Variants in GIPC3 observed in about 807,000 individuals in gnomAD.
The protein encoded by GIPC3 is PDZ domain-containing protein GIPC3.
In GIPC3, 16 loss-of-function variants were observed where a neutral mutation model predicts 27.3. The observed-to-expected ratio is 0.59, with a 90% confidence interval of 0.40 to 0.89. The LOEUF is 0.89. Ranked by LOEUF, GIPC3 falls within the 40% of genes least tolerant of loss-of-function variation. The pLI, the probability that GIPC3 is intolerant of heterozygous loss-of-function variation, is 0.00. For synonymous variants in GIPC3, 194 were observed against 184.6 expected (o/e 1.05, Z -0.41); for missense variants, 440 against 442.1 (o/e 1.00, Z 0.04).
intron 3 of GIPC3, among the ~76,000 whole-genome samples, chr19:3,587,457 T>C (rs2032393989): frequency 6.6e-6 from 1 of 151,170 alleles, no homozygotes; most frequent in Non-Finnish European, 1.5e-5. Context: ...AATTTTTGTA[T>C]TTTTAGTAGA....
intron 3 of GIPC3, among the ~76,000 whole-genome samples, chr19:3,588,933 G>T (rs1247467623): frequency 7.2e-6 from 1 of 138,494 alleles, no homozygotes; most frequent in African/African-American, 2.8e-5. Context: ...GACAGAGCAA[G>T]ACAACATCTC....
In GIPC3 at chr19:3,585,708, C is replaced by G; in HGVS notation, c.111C>G (p.Leu37=). 6.8e-7 allele frequency: 1 copy of G among 1,461,230 alleles called. No homozygotes were observed. Among genetic ancestry groups the G allele is most frequent in the Non-Finnish European group, 9.1e-7 (1 of 1,100,180 alleles). The allele number at this position is 1,461,230 out of a possible 1,614,324, so 90.5% of individuals were successfully genotyped here. Residue 37 remains leucine (L), a synonymous_variant, in exon 1 of 6, where the codon CTC becomes CTG. Transcript: ENST00000644452. ...PPAAPRARPR[L]VFRTQLAHGS... Reference sequence around the variant, plus strand: ...CCGCGCCCCGCGCCCGCCCGCGCCTCGTCTTCCGCACGCAGCTGGCGCACG... The same window carrying G: ...CCGCGCCCCGCGCCCGCCCGCGCCTGGTCTTCCGCACGCAGCTGGCGCACG...
Position 3,593,349 on chromosome 19 carries a change from G to T in GIPC3, c.*3159G>T. On this transcript the variant is annotated 3_prime_UTR_variant, in exon 6 of 6. Transcript: ENST00000644452. Reference sequence around the variant, plus strand: ...CGTCCTCTCCTGTCCCTTCCAGCCTGGGGCCCCCAGAAGCAGCAAGTGACC... The same window carrying T: ...CGTCCTCTCCTGTCCCTTCCAGCCTTGGGCCCCCAGAAGCAGCAAGTGACC... 1 of 1,226,860 alleles carries T rather than the reference G, an allele frequency of 8.2e-7. No individual in the cohort carries two copies. The highest frequency in any genetic ancestry group is 1.0e-6 in the Non-Finnish European group (1 of 983,322). The allele number at this position is 1,226,860 out of a possible 1,614,324, so 76.0% of individuals were successfully genotyped here. A position where few individuals can be genotyped will look rare whatever the true frequency, so the allele number is the denominator to read the frequency against.
At chr19:3,589,994 C>A (rs370162131) in intron 5 of GIPC3, 45 bp from the exon 6 acceptor site, 38 of 1,612,940 alleles carry the variant, frequency 2.4e-5, no homozygotes, top group Non-Finnish European at 3.1e-5. Context: ...GGAAGTTGGG[C>A]GCGGGGAGTG....
At chr19:3,589,961 G>A (rs747142666) in intron 5 of GIPC3, 49 bp downstream of exon 5, 30 of 1,613,064 alleles carry the variant, frequency 1.9e-5, no homozygotes, top group South Asian at 5.5e-5. Context: ...GGAAGCCTAC[G>A]GGAGGAGGCA....
chr19:3,586,960 C>T lies in GIPC3; in HGVS notation c.558C>T (p.Phe186=), dbSNP rs1474857975. ...MLRELPKSQP[F]TLRLVQPKRA... The stretch of plus-strand genomic sequence containing the variant: ...GGGAGCTGCCCAAGTCCCAGCCCTT[C>T]ACCCTGCGCCTGGTGCAGCCCAAGA... The change falls in exon 3 of 6, where the codon TTC becomes TTT. Residue 186 remains phenylalanine (F), a synonymous_variant. Transcript: ENST00000644452. The T allele has an allele frequency of 6.2e-7, 1 of 1,613,048 alleles. No individual in the cohort carries two copies. Among genetic ancestry groups the T allele is most frequent in the Non-Finnish European group, 8.5e-7 (1 of 1,179,918 alleles).
Position 3,592,390 on chromosome 19 carries a change from C to A in GIPC3, c.*2200C>A. 5 of 1,232,020 alleles carry A rather than the reference C, an allele frequency of 4.1e-6. No individual in the cohort carries two copies. Among genetic ancestry groups the A allele is most frequent in the Non-Finnish European group, 5.1e-6 (5 of 987,968 alleles). 76.3% of individuals were successfully genotyped at this position (1,232,020 alleles called of 1,614,324 possible). A position where few individuals can be genotyped will look rare whatever the true frequency, so the allele number is the denominator to read the frequency against. Reference sequence around the variant, plus strand: ...ACCCAGATAAGCTCAAGAATTCAAGCCAGCTCTGGAAGTCAGCTTAGTTCG... The same window carrying A: ...ACCCAGATAAGCTCAAGAATTCAAGACAGCTCTGGAAGTCAGCTTAGTTCG... On this transcript the variant is annotated 3_prime_UTR_variant, in exon 6 of 6. Transcript: ENST00000644452.
chr19:3,588,484 T>C (rs755125684), intron 3 of GIPC3, among the ~76,000 whole-genome samples: 22 of 151,740 alleles, frequency 1.4e-4, no homozygotes, highest in Middle Eastern at 3.4e-3. Flanking sequence ...GAGTGAGCTG[T>C]ATGGGGTTCT....
rs1015910946 is a variant in GIPC3 at position 3,590,932 on chromosome 19, T to A, written c.*742T>A. 8.1e-7 allele frequency: 1 copy of A among 1,230,490 alleles called. No individual in the cohort carries two copies. Among genetic ancestry groups the A allele is most frequent in the Non-Finnish European group, 1.0e-6 (1 of 988,456 alleles). The allele number at this position is 1,230,490 out of a possible 1,614,324, so 76.2% of individuals were successfully genotyped here. Reference sequence around the variant, plus strand: ...ACCATGCCCAGCTCTAGAACTCAGATGAGCTCTGAGACAGAGCCCAGTATT... The same window carrying A: ...ACCATGCCCAGCTCTAGAACTCAGAAGAGCTCTGAGACAGAGCCCAGTATT... On this transcript the variant is annotated 3_prime_UTR_variant, in exon 6 of 6. Transcript: ENST00000644452.
intron 2 of GIPC3, 53 bp downstream of exon 2, chr19:3,586,733 C>T (rs1482126096): frequency 3.1e-6 from 5 of 1,610,774 alleles, no homozygotes; most frequent in African/African-American, 1.3e-5. Context: ...AACTGCCCCC[C>T]CCACTCTGGG....
At position 3,590,498 on chromosome 19, in the gene GIPC3, G is replaced by T. The variant is rs2032467052; in HGVS notation, c.*308G>T. 1 of 1,408,486 alleles carries T rather than the reference G, an allele frequency of 7.1e-7. No individual in the cohort carries two copies. The highest frequency in any genetic ancestry group is 9.2e-7 in the Non-Finnish European group (1 of 1,086,712). 87.2% of individuals were successfully genotyped at this position (1,408,486 alleles called of 1,614,324 possible). A position where few individuals can be genotyped will look rare whatever the true frequency, so the allele number is the denominator to read the frequency against. ...GAACTCAGATGAGCTTTGAGACCATGCCCAGCACTGAGACCAAGCCCTGTT... is the reference window on the plus strand; with the variant it reads ...GAACTCAGATGAGCTTTGAGACCATTCCCAGCACTGAGACCAAGCCCTGTT... On this transcript the variant is annotated 3_prime_UTR_variant, in exon 6 of 6. Transcript: ENST00000644452.
chr19:3,586,244 T>G (rs1249753208), intron 1 of GIPC3, among the ~76,000 whole-genome samples: 1 of 151,890 alleles, frequency 6.6e-6, no homozygotes, highest in Non-Finnish European at 1.5e-5. Flanking sequence ...TTCGTTTGGT[T>G]TGCAGCCCCC....
Position 3,585,514 on chromosome 19 carries a change from G to A in GIPC3, c.-84G>A, listed in dbSNP as rs2032345793. On this transcript the variant is annotated 5_prime_UTR_variant, in exon 1 of 6. Transcript: ENST00000644452. Reference sequence around the variant, plus strand: ...CCGGGCGTCTCGGCTGTCGCGCCCTGGGCCGGGGGAGGGGAGGCTGCAGGA... The same window carrying A: ...CCGGGCGTCTCGGCTGTCGCGCCCTAGGCCGGGGGAGGGGAGGCTGCAGGA... 2 of 1,058,368 alleles carry A rather than the reference G, an allele frequency of 1.9e-6. No individual in the cohort carries two copies. Among genetic ancestry groups the A allele is most frequent in the Non-Finnish European group, 2.3e-6 (2 of 875,660 alleles). The allele number at this position is 1,058,368 out of a possible 1,614,324, so 65.6% of individuals were successfully genotyped here.
rs775534525 is a variant in GIPC3 at position 3,587,002 on chromosome 19, G to T, written c.592+8G>T. On this transcript the variant is annotated splice_region_variant and intron_variant, in intron 3 of 5. Transcript: ENST00000644452. ...AGCCCAAGAGGGCCTTCGGTGAGGC[G>T]GGTGGGCTGGCGGGAGCTCTTCCCG... The T allele has an allele frequency of 6.2e-7, 1 of 1,609,942 alleles. No individual in the cohort carries two copies. Among genetic ancestry groups the T allele is most frequent in the Non-Finnish European group, 8.5e-7 (1 of 1,178,840 alleles).
chr19:3,590,506 C>G lies in GIPC3; in HGVS notation c.*316C>G, dbSNP rs1371116607. ...ATGAGCTTTGAGACCATGCCCAGCA[C>G]TGAGACCAAGCCCTGTTCTAGAACT... On this transcript the variant is annotated 3_prime_UTR_variant, in exon 6 of 6. Transcript: ENST00000644452. 1 of 1,404,790 alleles carries G rather than the reference C, an allele frequency of 7.1e-7. No individual in the cohort carries two copies. Among genetic ancestry groups the G allele is most frequent in the Admixed American group, 3.2e-5 (1 of 31,738 alleles). 87.0% of individuals were successfully genotyped at this position (1,404,790 alleles called of 1,614,324 possible). A position where few individuals can be genotyped will look rare whatever the true frequency, so the allele number is the denominator to read the frequency against.
chr19:3,590,300 A>G lies in GIPC3; in HGVS notation c.*110A>G, dbSNP rs1240530141. 1.4e-6 allele frequency: 2 copies of G among 1,467,016 alleles called. No individual in the cohort carries two copies. The highest frequency in any genetic ancestry group is 1.4e-5 in the African/African-American group (1 of 70,704). The allele number at this position is 1,467,016 out of a possible 1,614,324, so 90.9% of individuals were successfully genotyped here. ...AGGACAAGTTCCTCTCTAGAACCCAATCCAATTTGGAGCCCCAGCCCAACT... is the reference window on the plus strand; with the variant it reads ...AGGACAAGTTCCTCTCTAGAACCCAGTCCAATTTGGAGCCCCAGCCCAACT... On this transcript the variant is annotated 3_prime_UTR_variant, in exon 6 of 6. Transcript: ENST00000644452.
chr19:3,589,597 C>A, intron 4 of GIPC3, 42 bp downstream of exon 4: 1 of 1,503,300 alleles, frequency 6.7e-7, no homozygotes. Context: ...TCTGCACCTT[C>A]AGCTCCTCCA....
Position 3,591,011 on chromosome 19 carries a change from T to C in GIPC3, c.*821T>C. The C allele has an allele frequency of 2.4e-6, 3 of 1,233,804 alleles. No individual in the cohort carries two copies. Among genetic ancestry groups the C allele is most frequent in the Non-Finnish European group, 3.0e-6 (3 of 989,218 alleles). The allele number at this position is 1,233,804 out of a possible 1,614,324, so 76.4% of individuals were successfully genotyped here. On this transcript the variant is annotated 3_prime_UTR_variant, in exon 6 of 6. Transcript: ENST00000644452. Reference sequence around the variant, plus strand: ...CCAGCTCCGAGACCAAGCCCAGCTCTAGAACCCAGATAAGCTCTGAAACCA... The same window carrying C: ...CCAGCTCCGAGACCAAGCCCAGCTCCAGAACCCAGATAAGCTCTGAAACCA...
intron 3 of GIPC3, among the ~76,000 whole-genome samples, chr19:3,588,529 G>C (rs961592296): frequency 7.3e-5 from 11 of 151,022 alleles, no homozygotes; most frequent in Non-Finnish European, 1.3e-4. Context: ...AACTCCAAAA[G>C]CCATGCCTAA....
Sources: allele counts gnomAD v4.1 joint callset (sites outside exome capture counted in the v4.1 genomes callset), GRCh38; gene constraint gnomAD v4.1.1; transcripts MANE v1.5; gene names NCBI Gene and HGNC (gene_info 2026-07-23, HGNC 2026-07-21).